Variants in KRABD2 observed in about 807,000 individuals in gnomAD.
KRABD2 encodes KRAB domain-containing protein 2.
the KRABD2 span, among the ~76,000 whole-genome samples, chr17:8,361,323 A>G: frequency 6.6e-6 from 1 of 152,180 alleles, no homozygotes; most frequent in Non-Finnish European, 1.5e-5. Context: ...CTGGAAGAGA[A>G]CTTTAAAACG....
chr17:8,371,989 C>T, the KRABD2 span: 2 of 985,840 alleles, frequency 2.0e-6, no homozygotes, highest in Non-Finnish European at 2.4e-6. Flanking sequence ...CAGGGGAGTT[C>T]ACATGAGGAC....
chr17:8,370,456 A>T, the KRABD2 span: 4 of 963,918 alleles, frequency 4.1e-6, no homozygotes, highest in Admixed American at 8.2e-5. Context: ...TTCCCTCTAA[A>T]GTTCCTCATC....
At chr17:8,363,962 G>A in the KRABD2 span, among the ~76,000 whole-genome samples, 19 of 150,296 alleles carry the variant, frequency 1.3e-4, no homozygotes, top group African/African-American at 4.7e-4. Context: ...TCTGCCTCCC[G>A]AGTTCAAGTG....
chr17:8,363,372 G>C, the KRABD2 span, among the ~76,000 whole-genome samples: 2 of 151,878 alleles, frequency 1.3e-5, no homozygotes, highest in Non-Finnish European at 2.9e-5. Flanking sequence ...TTTTTTTTGA[G>C]AGGGAGTCTC....
the KRABD2 span, chr17:8,369,890 CT>C: frequency 6.2e-7 from 1 of 1,614,178 alleles, no homozygotes; most frequent in Non-Finnish European, 8.5e-7. Flanking sequence ...GTACTGGGTT[CT>C]TCTGGTGGCA....
the KRABD2 span, among the ~76,000 whole-genome samples, chr17:8,363,895 T>G: frequency 7.0e-6 from 1 of 143,830 alleles, no homozygotes; most frequent in African/African-American, 2.5e-5. Context: ...TTTAGACAGA[T>G]TCTTGCTCTG....
chr17:8,359,488 CTCTT>C, the KRABD2 span: 4 of 425,628 alleles, frequency 9.4e-6, no homozygotes, highest in Non-Finnish European at 1.9e-5. Flanking sequence ...ATTTAGCAGT[CTCTT>C]TATTTGTTGG....
the KRABD2 span, chr17:8,369,343 T>C: frequency 3.1e-6 from 5 of 1,614,256 alleles, no homozygotes; most frequent in South Asian, 4.4e-5. Flanking sequence ...CGGGGCAAGT[T>C]TGAGGAATAT....
chr17:8,363,815 CATATATATATCATACAT>C, the KRABD2 span, among the ~76,000 whole-genome samples: 12 of 101,548 alleles, frequency 1.2e-4, no homozygotes, highest in Admixed American at 2.2e-4. Context: ...ATATATCATA[CATATATATATCATACAT>C]ATATATATAT....
the KRABD2 span, among the ~76,000 whole-genome samples, chr17:8,374,937 CAAAAAA>C: frequency 3.0e-4 from 14 of 46,180 alleles, no homozygotes; most frequent in African/African-American, 7.4e-4. Context: ...GACTCTGTCA[CAAAAAA>C]AAAAAAAAAA....
chr17:8,372,509 C>T, the KRABD2 span, among the ~76,000 whole-genome samples: 2 of 152,158 alleles, frequency 1.3e-5, no homozygotes, highest in African/African-American at 4.8e-5. This position sits in a 1 kb window ranked among gnomAD's most constrained non-coding sequence, Gnocchi z 4.1. Flanking sequence ...CAGGCTGGTC[C>T]TCGAACTTCT....
At chr17:8,375,931 C>A in the KRABD2 span, 1 of 1,229,912 alleles carries the variant, frequency 8.1e-7, no homozygotes, top group Non-Finnish European at 1.0e-6. Context: ...GTTTCCGACT[C>A]GGAATGTCCT....
chr17:8,376,676 C>T, the KRABD2 span: 1 of 984,424 alleles, frequency 1.0e-6, no homozygotes, highest in Non-Finnish European at 1.2e-6. Context: ...GAATCCCCCT[C>T]CACCCAGAGG....
the KRABD2 span, chr17:8,373,820 C>T: frequency 2.0e-4 from 33 of 162,582 alleles, no homozygotes; most frequent in East Asian, 1.3e-3. Context: ...TCTGCCCGGC[C>T]GTGACCCCGT....
the KRABD2 span, chr17:8,376,679 C>T: frequency 5.1e-6 from 5 of 984,284 alleles, no homozygotes; most frequent in Non-Finnish European, 6.0e-6. Flanking sequence ...TCCCCCTCCA[C>T]CCAGAGGCCC....
At chr17:8,366,623 C>A in the KRABD2 span, among the ~76,000 whole-genome samples, 1 of 152,182 alleles carries the variant, frequency 6.6e-6, no homozygotes, top group Non-Finnish European at 1.5e-5. Context: ...ATGGCACATA[C>A]AGTTTCTCCT....
chr17:8,371,523 G>C, the KRABD2 span: 1 of 1,602,726 alleles, frequency 6.2e-7, no homozygotes, highest in Non-Finnish European at 8.5e-7. Flanking sequence ...AGGGCACCAG[G>C]AATGAAGGCA....
the KRABD2 span, chr17:8,369,892 T>G: frequency 6.2e-7 from 1 of 1,614,240 alleles, no homozygotes. Flanking sequence ...ACTGGGTTCT[T>G]CTGGTGGCAC....
At chr17:8,366,424 CCTGA>C in the KRABD2 span, among the ~76,000 whole-genome samples, 1 of 152,152 alleles carries the variant, frequency 6.6e-6, no homozygotes, top group South Asian at 2.1e-4. Flanking sequence ...TGATTATTTC[CCTGA>C]CTATTGGTCA....
Sources: gnomAD v4.1 joint callset for allele counts (sites outside exome capture counted in the v4.1 genomes callset) on GRCh38, gnomAD v4.1.1 for gene constraint, Gnocchi (gnomAD v3.1) non-coding constraint, MANE v1.5 for transcripts, NCBI Gene and HGNC (gene_info 2026-07-23, HGNC 2026-07-21) for gene names.